Variants in MAST4 observed in about 807,000 individuals in gnomAD.
The protein encoded by MAST4 is microtubule-associated serine/threonine-protein kinase 4.
Under a neutral mutation model 162.7 loss-of-function variants are expected in MAST4, and 89 were observed. The observed-to-expected ratio is 0.55, with a 90% CI of 0.46 to 0.65. The LOEUF (loss-of-function observed/expected upper bound fraction) is 0.65, where lower values mean the gene tolerates loss of function less well. Among genes scored for constraint, MAST4 ranks in the 30% least tolerant of loss-of-function variants. The pLI, the probability that MAST4 is intolerant of heterozygous loss-of-function variation, is 0.00. For missense variants in MAST4, 3,153 were observed against 3,374.0 expected, an observed-to-expected ratio of 0.93 and a Z score of 1.62; for synonymous variants, 1,479 against 1,361.1, an observed-to-expected ratio of 1.09 and a Z score of -1.91.
At chr5:67,076,598 T>C (rs948376854) in intron 5 of MAST4, among the ~76,000 whole-genome samples, 2 of 152,176 alleles carry the variant, frequency 1.3e-5, no homozygotes, top group African/African-American at 2.4e-5. Context: ...GAAAAGTGTT[T>C]TATACCTGAC....
intron 3 of MAST4, among the ~76,000 whole-genome samples, chr5:66,807,887 G>A (rs945257764): frequency 1.3e-5 from 2 of 152,166 alleles, no homozygotes; most frequent in African/African-American, 4.8e-5. Flanking sequence ...TATCAAAGCC[G>A]ATATTCCTGG....
At chr5:67,070,874 G>C (rs1206359006) in intron 5 of MAST4, among the ~76,000 whole-genome samples, 1 of 152,084 alleles carries the variant, frequency 6.6e-6, no homozygotes, top group Non-Finnish European at 1.5e-5. Flanking sequence ...AGAATATCTG[G>C]CAGTCACCAC....
intron 5 of MAST4, among the ~76,000 whole-genome samples, chr5:67,065,108 A>G (rs1581410799): frequency 6.6e-6 from 1 of 152,220 alleles, no homozygotes. Context: ...AAGTTTATGT[A>G]TTCAAACTGG....
chr5:66,870,947 T>C (rs1274960592), intron 3 of MAST4: 1 of 435,908 alleles, frequency 2.3e-6, no homozygotes. Flanking sequence ...TGCTGGTATA[T>C]TCCAGGGCTT....
chr5:66,615,712 T>C (rs1377802480), intron 1 of MAST4, among the ~76,000 whole-genome samples: 1 of 151,734 alleles, frequency 6.6e-6, no homozygotes, highest in African/African-American at 2.4e-5. Context: ...ACTTGGAAGG[T>C]TGAGACGGAG....
At chr5:66,637,392 T>C (rs1745193124) in intron 1 of MAST4, among the ~76,000 whole-genome samples, 1 of 152,144 alleles carries the variant, frequency 6.6e-6, no homozygotes, top group African/African-American at 2.4e-5. Flanking sequence ...TGGATATGTA[T>C]TGTCACATCA....
At chr5:66,965,224 G>GTTTT (rs1561485927) in intron 4 of MAST4, among the ~76,000 whole-genome samples, 1 of 72,426 alleles carries the variant, frequency 1.4e-5, no homozygotes, top group Non-Finnish European at 2.8e-5. Flanking sequence ...TTTTTTTTTT[G>GTTTT]CTTTTTTTTT....
At chr5:66,827,262 G>C (rs17214868) in intron 3 of MAST4, among the ~76,000 whole-genome samples, 6,827 of 152,266 alleles carry the variant, frequency 0.045, 223 homozygotes, top group Non-Finnish European at 0.064. Flanking sequence ...TTGCTTTAGA[G>C]ATGATATTAC....
chr5:66,848,454 T>G (rs1052667686), intron 3 of MAST4, among the ~76,000 whole-genome samples: 15 of 152,278 alleles, frequency 9.9e-5, no homozygotes, highest in African/African-American at 3.6e-4. Flanking sequence ...TTGTTTTTTT[T>G]GTTTGTTTGT....
At chr5:67,091,549 A>C (rs1763867053) in intron 6 of MAST4, among the ~76,000 whole-genome samples, 1 of 152,258 alleles carries the variant, frequency 6.6e-6, no homozygotes, top group African/African-American at 2.4e-5. Flanking sequence ...CTACTATTCC[A>C]AGTGGAAAGA....
At chr5:67,014,000 C>T (rs1343489585) in intron 4 of MAST4, among the ~76,000 whole-genome samples, 2 of 151,976 alleles carry the variant, frequency 1.3e-5, no homozygotes, top group Admixed American at 6.6e-5. Flanking sequence ...TTTCACTTGG[C>T]TAATCTCAAG....
At chr5:66,715,737 A>G (rs1404885444) in intron 1 of MAST4, among the ~76,000 whole-genome samples, 1 of 134,808 alleles carries the variant, frequency 7.4e-6, no homozygotes, top group African/African-American at 3.7e-5. Context: ...GACAGGAAAA[A>G]AAAAAAAAAA....
intron 3 of MAST4, among the ~76,000 whole-genome samples, chr5:66,891,733 G>A (rs748036397): frequency 6.6e-6 from 1 of 152,098 alleles, no homozygotes; most frequent in Non-Finnish European, 1.5e-5. Flanking sequence ...TACTCCCAAG[G>A]CTGCCAGGCT....
intron 1 of MAST4, among the ~76,000 whole-genome samples, chr5:66,627,296 G>C (rs4331850): frequency 6.6e-6 from 1 of 151,966 alleles, no homozygotes; most frequent in Non-Finnish European, 1.5e-5. Context: ...CCATTCTTCA[G>C]TTACCTCCCA....
At chr5:67,010,780 G>A (rs1353092041) in intron 4 of MAST4, among the ~76,000 whole-genome samples, 2 of 152,086 alleles carry the variant, frequency 1.3e-5, no homozygotes, top group African/African-American at 2.4e-5. Flanking sequence ...TGAAGTGAAG[G>A]TGTGTGTTGC....
chr5:66,921,940 A>T (rs1204638183), intron 4 of MAST4, among the ~76,000 whole-genome samples: 1 of 152,144 alleles, frequency 6.6e-6, no homozygotes, highest in African/African-American at 2.4e-5. Flanking sequence ...ATTTGGTAAG[A>T]TGGTACCATC....
intron 27 of MAST4, among the ~76,000 whole-genome samples, chr5:67,161,486 C>T (rs1773178726): frequency 6.6e-6 from 1 of 151,852 alleles, no homozygotes; most frequent in Non-Finnish European, 1.5e-5. Flanking sequence ...TATTTGGTTG[C>T]AAGGTAGAAG....
rs565130224 is a variant in MAST4, at chr5:67,094,239, G to A, written c.834-1358G>A. On this transcript the variant is annotated intron_variant, in intron 6 of 28. Coordinates refer to ENST00000403625, the MANE Select transcript of MAST4 (RefSeq NM_001164664.2). The stretch of plus-strand genomic sequence containing the variant: ...ACTTGAATTTTTCCGTCTTGTCTTT[G>A]TGGACCATTTGCATTTATTGGAGGT... 283 of 1,039,546 alleles carry A rather than the reference G, an allele frequency of 2.7e-4. 1 individual carries two copies. In the African/African-American group the frequency reaches 4.1e-3, roughly 15 times the overall value. 64.4% of individuals were successfully genotyped at this position (1,039,546 alleles called of 1,614,324 possible). A position where few individuals can be genotyped will look rare whatever the true frequency, so the allele number is the denominator to read the frequency against.
At position 66,774,640 on chromosome 5, in the gene MAST4, A is replaced by G. The variant is rs189397976; in HGVS notation, c.518-14030A>G. 2.1e-3 allele frequency among the ~76,000 whole-genome samples: 324 copies of G among 152,250 alleles called. 5 individuals are homozygous for G. The highest frequency in any genetic ancestry group is 3.1e-3 in the Admixed American group (47 of 15,282). ...CTATCATTCCATTTGCTAGTTTATA[A>G]ATTTCTTGAGGACTTTTTCCTTGTA... On this transcript the variant is annotated intron_variant, in intron 2 of 28. Transcript: ENST00000403625.
Sources: allele counts gnomAD v4.1 joint callset (sites outside exome capture counted in the v4.1 genomes callset), GRCh38; gene constraint gnomAD v4.1.1; transcripts MANE v1.5; gene names NCBI Gene and HGNC (gene_info 2026-07-23, HGNC 2026-07-21).